PCDH7: variants seen among roughly 807,000 people sequenced by gnomAD.
PCDH7 encodes protocadherin 7, also known as protocadherin-7.
In PCDH7, 17 loss-of-function variants were observed where a neutral mutation model predicts 58.9. The observed-to-expected ratio is 0.29, with a 90% confidence interval of 0.20 to 0.43. PCDH7 has a LOEUF of 0.43. Ranked by LOEUF, PCDH7 falls within the 20% of genes least tolerant of loss-of-function variation. PCDH7 has a pLI of 1.00. For missense variants in PCDH7, 1,274 were observed against 1,441.0 expected, an observed-to-expected ratio of 0.88 and a Z score of 1.88; for synonymous variants, 664 against 616.4, an observed-to-expected ratio of 1.08 and a Z score of -1.14.
chr4:30,932,936 T>C (rs1744826152), intron 2 of PCDH7, among the ~76,000 whole-genome samples: 1 of 152,216 alleles, frequency 6.6e-6, no homozygotes, highest in Non-Finnish European at 1.5e-5. Flanking sequence ...GCAATACCCT[T>C]TCTTTAAGGA....
At chr4:30,771,878 T>A (rs902642084) in intron 1 of PCDH7, among the ~76,000 whole-genome samples, 3 of 152,126 alleles carry the variant, frequency 2.0e-5, no homozygotes, top group Non-Finnish European at 4.4e-5. Context: ...CTTTCTTTCT[T>A]TTTTTTCTTT....
intron 3 of PCDH7, among the ~76,000 whole-genome samples, chr4:31,138,343 T>C (rs959516832): frequency 6.6e-6 from 1 of 152,208 alleles, no homozygotes; most frequent in Non-Finnish European, 1.5e-5. Context: ...GTTTCATTCT[T>C]TTCACTAAGT....
At chr4:31,116,596 T>C (rs983214825) in intron 3 of PCDH7, among the ~76,000 whole-genome samples, 48 of 152,128 alleles carry the variant, frequency 3.2e-4, no homozygotes, top group African/African-American at 1.1e-3. Context: ...TTTGTTATCC[T>C]TGGAAAAAAA....
intron 1 of PCDH7, among the ~76,000 whole-genome samples, chr4:30,758,940 G>GTTTTTTT (rs11463767): frequency 1.6e-5 from 2 of 124,234 alleles, no homozygotes; most frequent in African/African-American, 3.1e-5. Flanking sequence ...TTGAAGAAGT[G>GTTTTTTT]TTTTTTTTTT....
rs1456914313 is a variant in PCDH7, at chr4:30,722,537, G to T, written c.1115G>T (p.Arg372Leu). The T allele has an allele frequency of 1.2e-6, 2 of 1,612,198 alleles. No individual in the cohort carries two copies. Among genetic ancestry groups the T allele is most frequent in the South Asian group, 1.1e-5 (1 of 91,022 alleles). Residue 372 changes from arginine (R) to leucine (L), a missense_variant, in exon 1 of 2, where the codon CGG (arginine) becomes CTG (leucine). By Grantham distance (102) the Arg-to-Leu change is moderately radical. Transcript: ENST00000361762. The surrounding 1 kb of genome is among the most constrained non-coding windows in gnomAD (Gnocchi z 7.6). ...TCCGGCTGGCTCAGCGTCCTGCACC[G>T]GATCGACCGCGAGGAGGTGAACCAG...
intron 1 of PCDH7, among the ~76,000 whole-genome samples, chr4:30,744,979 C>G (rs554052282): frequency 6.6e-6 from 1 of 152,230 alleles, no homozygotes; most frequent in Non-Finnish European, 1.5e-5. Flanking sequence ...CTCTAAATGA[C>G]TTTTAGTTAT....
At chr4:31,084,169 C>T (rs143045637) in intron 3 of PCDH7, among the ~76,000 whole-genome samples, 10 of 152,078 alleles carry the variant, frequency 6.6e-5, no homozygotes, top group African/African-American at 2.2e-4. Flanking sequence ...TCTGAGCTGA[C>T]TATATTTAGA....
chr4:30,899,547 T>C (rs1164607311), intron 1 of PCDH7, among the ~76,000 whole-genome samples: 2 of 152,194 alleles, frequency 1.3e-5, no homozygotes, highest in African/African-American at 4.8e-5. Flanking sequence ...CATTTAAGCC[T>C]GTCAGCCAAT....
At chr4:30,980,074 G>C (rs1379407035) in intron 3 of PCDH7, among the ~76,000 whole-genome samples, 1 of 152,110 alleles carries the variant, frequency 6.6e-6, no homozygotes, top group Non-Finnish European at 1.5e-5. Flanking sequence ...AACGTTAACA[G>C]TTTTAGGGAA....
At chr4:30,987,589 A>T (rs1021346766) in intron 3 of PCDH7, 37 of 152,160 alleles carry the variant, frequency 2.4e-4, no homozygotes, top group African/African-American at 8.9e-4. Context: ...TGGCTGAGGC[A>T]GGAGGAACGC....
intron 2 of PCDH7, among the ~76,000 whole-genome samples, chr4:30,926,486 C>A (rs539644658): frequency 1.3e-5 from 2 of 152,176 alleles, no homozygotes; most frequent in African/African-American, 2.4e-5. Flanking sequence ...ACCCAGCCAA[C>A]TTTAGGTAAA....
chr4:30,725,079 T>A, intron 1 of PCDH7: 1 of 1,001,766 alleles, frequency 1.0e-6, no homozygotes, highest in Non-Finnish European at 1.2e-6. Context: ...ATTTTACAGA[T>A]AAATAGATGC....
chr4:30,935,289 C>A, intron 2 of PCDH7: 2 of 923,160 alleles, frequency 2.2e-6, no homozygotes, highest in Non-Finnish European at 2.6e-6. Flanking sequence ...TTATTAAATG[C>A]ATGATTATTT....
intron 3 of PCDH7, among the ~76,000 whole-genome samples, chr4:30,984,760 G>C (rs914470380): frequency 6.6e-6 from 1 of 152,114 alleles, no homozygotes; most frequent in Admixed American, 6.6e-5. Context: ...GGCAATAAAG[G>C]TAATTCCAGT....
At chr4:30,843,801 G>T (rs1731545048) in intron 1 of PCDH7, among the ~76,000 whole-genome samples, 1 of 151,792 alleles carries the variant, frequency 6.6e-6, no homozygotes, top group South Asian at 2.1e-4. Context: ...AAGTTTACAT[G>T]GACTGCACTT....
In PCDH7 at chr4:30,724,617, A is replaced by C. The variant is rs751227769; in HGVS notation, c.3174+21A>C. The C allele has an allele frequency of 6.2e-6, 10 of 1,609,108 alleles. No individual in the cohort carries two copies. In the East Asian group the frequency reaches 2.2e-4, roughly 36 times the overall value. Reference sequence around the variant, plus strand: ...AACAGGTAAGATGTATCCCAAATATATTTAAATATCCCAGGGAGGGCTAAT... The same window carrying C: ...AACAGGTAAGATGTATCCCAAATATCTTTAAATATCCCAGGGAGGGCTAAT... On this transcript the variant is annotated intron_variant, in intron 1 of 1. Coordinates refer to ENST00000361762, the Ensembl canonical transcript of PCDH7.
intron 3 of PCDH7, among the ~76,000 whole-genome samples, chr4:30,984,370 CAT>C (rs1272883899): frequency 6.6e-6 from 1 of 152,152 alleles, no homozygotes; most frequent in Non-Finnish European, 1.5e-5. Flanking sequence ...ATTGTGAGAA[CAT>C]ATGGAAAGAG....
chr4:30,758,071 A>G (rs1719544290), intron 1 of PCDH7, among the ~76,000 whole-genome samples: 2 of 152,062 alleles, frequency 1.3e-5, no homozygotes, highest in African/African-American at 4.8e-5. Context: ...AAATGTTATG[A>G]AAAAAAATGC....
chr4:30,826,609 A>G (rs1729117530), intron 1 of PCDH7, among the ~76,000 whole-genome samples: 1 of 152,128 alleles, frequency 6.6e-6, no homozygotes, highest in African/African-American at 2.4e-5. Flanking sequence ...CCTCATCAAG[A>G]AAGTCTAGAG....
Sources: gnomAD v4.1 joint callset for allele counts (sites outside exome capture counted in the v4.1 genomes callset) on GRCh38, gnomAD v4.1.1 for gene constraint, Gnocchi (gnomAD v3.1) non-coding constraint, MANE v1.5 for transcripts, NCBI Gene and HGNC (gene_info 2026-07-23, HGNC 2026-07-21) for gene names.